Variants in TENM3 observed in about 807,000 individuals in gnomAD.
TENM3 encodes teneurin transmembrane protein 3.
Under a neutral mutation model 255.1 loss-of-function variants are expected in TENM3, and 63 were observed. That is an observed-to-expected ratio of 0.25 (90% confidence interval 0.20 to 0.30). The LOEUF is 0.30. Ranked by LOEUF, TENM3 falls within the 10% of genes least tolerant of loss-of-function variation. TENM3 has a pLI of 1.00. For synonymous variants in TENM3, 1,306 were observed against 1,322.3 expected, an observed-to-expected ratio of 0.99 and a Z score of 0.27; for missense variants, 2,929 against 3,461.1, an observed-to-expected ratio of 0.85 and a Z score of 3.86.
At chr4:182,222,645 A>G (rs1755912541) in intron 1 of TENM3, among the ~76,000 whole-genome samples, 1 of 152,238 alleles carries the variant, frequency 6.6e-6, no homozygotes, top group Non-Finnish European at 1.5e-5. Context: ...GTGCATCATC[A>G]TAAGCTGGCT....
chr4:182,653,665 T>C (rs1753518492), intron 5 of TENM3, 106 bp from the exon 6 acceptor site: 1 of 1,265,418 alleles, frequency 7.9e-7, no homozygotes, highest in East Asian at 2.6e-5. Flanking sequence ...TTTCAGAAAA[T>C]GGAAATTGTA....
intron 4 of TENM3, among the ~76,000 whole-genome samples, chr4:182,604,481 T>A (rs1748222018): frequency 6.6e-6 from 1 of 152,222 alleles, no homozygotes; most frequent in African/African-American, 2.4e-5. Context: ...TTGTTTATTT[T>A]ATACTTCAGC....
chr4:182,298,834 G>A (rs768476092), intron 1 of TENM3, among the ~76,000 whole-genome samples: 9 of 151,386 alleles, frequency 5.9e-5, no homozygotes, highest in Non-Finnish European at 8.8e-5. Context: ...TTAGCCGGGC[G>A]TGATGGCGCC....
intron 3 of TENM3, among the ~76,000 whole-genome samples, chr4:182,488,122 T>C (rs374775592): frequency 3.5e-4 from 53 of 152,160 alleles, no homozygotes; most frequent in African/African-American, 1.2e-3. Context: ...GCAACACAAG[T>C]GGATAATGAT....
chr4:181,951,070 A>T, the TENM3 span, among the ~76,000 whole-genome samples: 3 of 147,684 alleles, frequency 2.0e-5, no homozygotes, highest in Admixed American at 1.3e-4. Flanking sequence ...ACAAACAAAC[A>T]AATAAAGAAG....
chr4:182,258,577 A>C (rs2675521), intron 1 of TENM3, among the ~76,000 whole-genome samples: 5,340 of 152,270 alleles, frequency 0.035, 322 homozygotes, highest in African/African-American at 0.12. Flanking sequence ...GCTAATTTGC[A>C]ATTCAAAGAA....
intron 3 of TENM3, among the ~76,000 whole-genome samples, chr4:182,540,359 G>A (rs1740742836): frequency 6.6e-6 from 1 of 152,194 alleles, no homozygotes; most frequent in Non-Finnish European, 1.5e-5. Flanking sequence ...GGAGGCCGAG[G>A]CGGGCGGATC....
At chr4:181,902,013 G>T in the TENM3 span, among the ~76,000 whole-genome samples, 1 of 151,864 alleles carries the variant, frequency 6.6e-6, no homozygotes, top group Non-Finnish European at 1.5e-5. Flanking sequence ...AGTGTTAATC[G>T]AATTAGAGCC....
chr4:181,888,588 A>ATGTGTGTG, the TENM3 span, among the ~76,000 whole-genome samples: 2 of 16,036 alleles, frequency 1.2e-4, no homozygotes, highest in African/African-American at 5.5e-4. Context: ...ACATATATAT[A>ATGTGTGTG]TGCGTGTGTG....
intron 12 of TENM3, among the ~76,000 whole-genome samples, chr4:182,704,822 C>CTTT (rs201275276): frequency 3.2e-5 from 4 of 124,150 alleles, no homozygotes; most frequent in South Asian, 2.7e-4. Context: ...TACACACAAA[C>CTTT]TTTTTTTTTT....
the TENM3 span, among the ~76,000 whole-genome samples, chr4:181,961,176 G>T: frequency 6.8e-6 from 1 of 147,978 alleles, no homozygotes. Context: ...GATGCTTGCT[G>T]TCAACTTGTG....
the TENM3 span, among the ~76,000 whole-genome samples, chr4:181,960,704 T>C: frequency 1.2e-4 from 19 of 152,316 alleles, no homozygotes; most frequent in Non-Finnish European, 1.3e-4. Flanking sequence ...GTATACACTA[T>C]AACTCTAACA....
At chr4:181,666,891 C>G in the TENM3 span, among the ~76,000 whole-genome samples, 1 of 152,118 alleles carries the variant, frequency 6.6e-6, no homozygotes, top group East Asian at 1.9e-4. Context: ...ATCAAACGCT[C>G]CTGCACTAGT....
At chr4:181,504,710 T>C in the TENM3 span, among the ~76,000 whole-genome samples, 5 of 152,182 alleles carry the variant, frequency 3.3e-5, no homozygotes, top group African/African-American at 1.2e-4. Context: ...AAATACACTT[T>C]AAATGGCAAC....
At chr4:182,326,952 T>C (rs1344921297) in intron 2 of TENM3, among the ~76,000 whole-genome samples, 1 of 152,212 alleles carries the variant, frequency 6.6e-6, no homozygotes, top group Non-Finnish European at 1.5e-5. Context: ...ATTGGGTGAA[T>C]GAGGACGAGT....
At chr4:181,558,442 C>T in the TENM3 span, among the ~76,000 whole-genome samples, 4 of 152,104 alleles carry the variant, frequency 2.6e-5, no homozygotes, top group South Asian at 2.1e-4. Context: ...AAATGTGGAT[C>T]GTGACATGGG....
chr4:181,963,791 T>C, the TENM3 span, among the ~76,000 whole-genome samples: 3 of 152,216 alleles, frequency 2.0e-5, no homozygotes, highest in African/African-American at 4.8e-5. Flanking sequence ...GTTATATAAG[T>C]AGGTGCAATG....
At chr4:181,859,470 CAAGT>C in the TENM3 span, among the ~76,000 whole-genome samples, 2 of 152,066 alleles carry the variant, frequency 1.3e-5, no homozygotes, top group African/African-American at 4.8e-5. Flanking sequence ...ATTATGAAAA[CAAGT>C]GAGTGTTTTG....
At chr4:182,781,268 G>A (rs1433842398) in intron 24 of TENM3, among the ~76,000 whole-genome samples, 2 of 143,998 alleles carry the variant, frequency 1.4e-5, no homozygotes, top group Non-Finnish European at 3.0e-5. Context: ...TAGCATGAAG[G>A]GTTGTTGAAT....
Sources: gnomAD v4.1 joint callset for allele counts (sites outside exome capture counted in the v4.1 genomes callset) on GRCh38, gnomAD v4.1.1 for gene constraint, MANE v1.5 for transcripts, NCBI Gene and HGNC (gene_info 2026-07-23, HGNC 2026-07-21) for gene names.